Variants in TNRC6B observed in about 807,000 individuals in gnomAD.
TNRC6B encodes trinucleotide repeat containing adaptor 6B.
TNRC6B carries 52 observed loss-of-function variants against 203.6 expected under a neutral mutation model. The ratio of observed to expected loss-of-function variants is 0.26; its 90% CI spans 0.20 to 0.32. The LOEUF (loss-of-function observed/expected upper bound fraction) is 0.32, where lower values mean the gene tolerates loss of function less well. Among genes scored for constraint, TNRC6B ranks in the 10% least tolerant of loss-of-function variants. The pLI is 1.00. For synonymous variants in TNRC6B, 838 were observed against 845.7 expected (o/e 0.99, Z 0.16); for missense variants, 1,923 against 2,286.2 (o/e 0.84, Z 3.24).
At chr22:40,242,179 A>AGTGTGTGTGTGTGTGT (rs58498001) in intron 1 of TNRC6B, among the ~76,000 whole-genome samples, 2 of 149,446 alleles carry the variant, frequency 1.3e-5, no homozygotes, top group Non-Finnish European at 3.0e-5. Context: ...AGGGAATAAG[A>AGTGTGTGTGTGTGTGT]GTGTGTGTGT....
At chr22:40,218,331 T>C (rs1314454273) in intron 1 of TNRC6B, among the ~76,000 whole-genome samples, 1 of 137,336 alleles carries the variant, frequency 7.3e-6, no homozygotes, top group African/African-American at 2.6e-5. Flanking sequence ...TTTCTTTTTT[T>C]TTTTTTTTTT....
chr22:40,313,697 C>G lies in TNRC6B; in HGVS notation c.4678+700C>G, dbSNP rs561733133. ...AATAAAGTAGACCTTTGTCCAACTA[C>G]GAAGACGCTGCAGGTTAGTGGGCTA... is the stretch of plus-strand genomic sequence containing the variant. On this transcript the variant is annotated intron_variant, in intron 19 of 22. Coordinates refer to ENST00000454349, the MANE Select transcript of TNRC6B (RefSeq NM_001162501.2). Among the ~76,000 whole-genome samples the G allele has an allele frequency of 5.9e-5, 9 of 152,326 alleles. No homozygotes were observed. In the South Asian group the frequency reaches 1.7e-3, roughly 28 times the overall value.
At chr22:40,136,942 A>G (rs977526158) in intron 3 of TNRC6B, among the ~76,000 whole-genome samples, 1 of 152,232 alleles carries the variant, frequency 6.6e-6, no homozygotes, top group Non-Finnish European at 1.5e-5. Flanking sequence ...TTAACATTAA[A>G]GATAGTTAAA....
At position 40,301,166 on chromosome 22, in the gene TNRC6B, G is replaced by T. The variant is rs2071018070; in HGVS notation, c.3953G>T (p.Ser1318Ile). ...GGCCCTCAGCTGGCTCGAATGGTGA[G>T]TGCACTGCAGCAGCAGCAGCAGCAG... ...QQEQQLARMV[S>I]ALQQQQQQQQ... Residue 1318 changes from serine to isoleucine, a missense_variant, in exon 15 of 23, where the codon AGT (serine) becomes ATT (isoleucine). Ser to Ile is a moderately radical substitution (Grantham distance 142). Around this residue, in one of 8 missense-constraint regions of TNRC6B, gnomAD observed 242 missense variants for 399.5 expected, o/e 0.61. Coordinates refer to ENST00000454349, the MANE Select transcript of TNRC6B (RefSeq NM_001162501.2). 1.3e-6 allele frequency: 2 copies of T among 1,544,028 alleles called. No homozygotes were observed. Among genetic ancestry groups the T allele is most frequent in the Admixed American group, 2.0e-5 (1 of 50,648 alleles).
At chr22:40,063,241 G>T (rs2067869396) in intron 1 of TNRC6B, among the ~76,000 whole-genome samples, 2 of 152,070 alleles carry the variant, frequency 1.3e-5, no homozygotes, top group South Asian at 2.1e-4. Flanking sequence ...GTAATTGAGG[G>T]TTTATTTGTA....
chr22:40,273,639 C>T, intron 7 of TNRC6B, 39 bp downstream of exon 7: 1 of 1,517,426 alleles, frequency 6.6e-7, no homozygotes, highest in Non-Finnish European at 8.8e-7. Context: ...CTCATTCGCT[C>T]TGAGAAGGCA....
chr22:40,108,782 T>C (rs1480025840), intron 1 of TNRC6B, among the ~76,000 whole-genome samples: 1 of 152,256 alleles, frequency 6.6e-6, no homozygotes, highest in African/African-American at 2.4e-5. Flanking sequence ...AATAGTTTAT[T>C]ATTTCTAAGT....
chr22:40,260,844 C>T (rs1452692193), intron 3 of TNRC6B, among the ~76,000 whole-genome samples: 1 of 152,176 alleles, frequency 6.6e-6, no homozygotes, highest in East Asian at 1.9e-4. Context: ...AAATTCTTGT[C>T]ACTGTCAGCC....
intron 1 of TNRC6B, among the ~76,000 whole-genome samples, chr22:40,102,749 G>A (rs1461333724): frequency 6.6e-6 from 1 of 151,802 alleles, no homozygotes; most frequent in Non-Finnish European, 1.5e-5. Flanking sequence ...GACCAGCCTG[G>A]GCAACACAGC....
intron 1 of TNRC6B, among the ~76,000 whole-genome samples, chr22:40,080,730 T>C (rs2068057232): frequency 6.6e-6 from 1 of 152,128 alleles, no homozygotes; most frequent in African/African-American, 2.4e-5. Flanking sequence ...AGGATCCAGC[T>C]CAGCCACATC....
chr22:40,296,828 A>G (rs540620538), intron 12 of TNRC6B, among the ~76,000 whole-genome samples: 7 of 152,226 alleles, frequency 4.6e-5, no homozygotes, highest in African/African-American at 1.2e-4. Context: ...GGGTTTTGCC[A>G]TGTTGGCCAA....
At chr22:40,085,838 T>TTTGTTG (rs1174890747) in intron 1 of TNRC6B, among the ~76,000 whole-genome samples, 2 of 143,404 alleles carry the variant, frequency 1.4e-5, no homozygotes, top group Non-Finnish European at 3.0e-5. Flanking sequence ...AGAAACTATT[T>TTTGTTG]TTGTTGTTGC....
intron 2 of TNRC6B, 79 bp from the exon 3 acceptor site, chr22:40,251,100 T>G: frequency 8.1e-7 from 1 of 1,239,718 alleles, no homozygotes; most frequent in African/African-American, 1.6e-5. Context: ...TTACTTGAGT[T>G]ATCAGACTAA....
intron 4 of TNRC6B, among the ~76,000 whole-genome samples, chr22:40,162,518 C>T (rs1253633462): frequency 4.6e-5 from 7 of 152,134 alleles, no homozygotes; most frequent in African/African-American, 1.7e-4. Context: ...AAACACAGGG[C>T]AAAGTAAAAA....
At chr22:40,087,558 C>G (rs1033868707) in intron 1 of TNRC6B, among the ~76,000 whole-genome samples, 27 of 152,074 alleles carry the variant, frequency 1.8e-4, no homozygotes, top group Admixed American at 1.7e-3. Flanking sequence ...ATACAGGGAG[C>G]TGTAAGAGTG....
At chr22:40,075,569 C>G (rs896744128) in intron 1 of TNRC6B, among the ~76,000 whole-genome samples, 1 of 151,984 alleles carries the variant, frequency 6.6e-6, no homozygotes, top group Admixed American at 6.6e-5. Flanking sequence ...AAAGTCCAAT[C>G]TTACCATCTT....
intron 3 of TNRC6B, among the ~76,000 whole-genome samples, chr22:40,155,704 C>T (rs1172914317): frequency 6.6e-6 from 1 of 152,182 alleles, no homozygotes; most frequent in Non-Finnish European, 1.5e-5. Context: ...TAATTTTAGC[C>T]AACCTAGTAG....
At chr22:40,169,751 G>A (rs1180940447) in intron 4 of TNRC6B, among the ~76,000 whole-genome samples, 1 of 152,072 alleles carries the variant, frequency 6.6e-6, no homozygotes, top group Non-Finnish European at 1.5e-5. Flanking sequence ...AGACTTCCAA[G>A]GGTCCTTGGC....
At chr22:40,137,384 A>G (rs916206530) in intron 3 of TNRC6B, among the ~76,000 whole-genome samples, 3 of 152,160 alleles carry the variant, frequency 2.0e-5, no homozygotes, top group Non-Finnish European at 2.9e-5. Context: ...TAGTAGTTCA[A>G]TACTCCATCC....
Sources: gnomAD v4.1 joint callset for allele counts (sites outside exome capture counted in the v4.1 genomes callset) on GRCh38, gnomAD v4.1.1 for gene constraint, gnomAD v4.1.1 regional missense constraint, MANE v1.5 for transcripts, NCBI Gene and HGNC (gene_info 2026-07-23, HGNC 2026-07-21) for gene names.